Variants in TRIM44 observed in about 807,000 individuals in gnomAD.
The protein encoded by TRIM44 is tripartite motif-containing protein 44.
Under a neutral mutation model 37.4 loss-of-function variants are expected in TRIM44, and 13 were observed. That is an observed-to-expected ratio of 0.35 (90% CI 0.23 to 0.55). The LOEUF is 0.55. TRIM44 is among the 20% of genes least tolerant of loss of function. TRIM44 has a pLI of 0.89. For synonymous variants in TRIM44, 175 were observed against 157.2 expected (o/e 1.11, Z -0.85); for missense variants, 426 against 437.2 (o/e 0.97, Z 0.23).
At position 35,711,108 on chromosome 11, in the gene TRIM44, A is replaced by G. The variant is rs1851965170; in HGVS notation, c.748-14816A>G. On this transcript the variant is annotated intron_variant, in intron 2 of 4. Transcript: ENST00000299413. ...TTGGGGGTGATGAAAATGTTTTAAA[A>G]CCAATGGTAATGATAGTTGCACAAC... Among the ~76,000 whole-genome samples the G allele has an allele frequency of 2.6e-5, 4 of 152,092 alleles. No individual in the cohort carries two copies. In the South Asian group the frequency reaches 8.3e-4, roughly 32 times the overall value.
rs1279409074 is a variant in TRIM44, at chr11:35,816,162, C to T, written c.*9777C>T. 2 of 152,082 alleles carry T rather than the reference C, an allele frequency of 1.3e-5. No individual in the cohort carries two copies. Among genetic ancestry groups the T allele is most frequent in the Non-Finnish European group, 2.9e-5 (2 of 68,026 alleles). The allele number at this position is 152,082 out of a possible 1,614,324, so 9.4% of individuals were successfully genotyped here. A position where few individuals can be genotyped will look rare whatever the true frequency, so the allele number is the denominator to read the frequency against. On this transcript the variant is annotated 3_prime_UTR_variant, in exon 5 of 5. Transcript: ENST00000299413. ...GCCTTTCCATCTGGAAACCATGAGCCTCATGGATTCCAGGCACAAATTCTC... is the reference window on the plus strand; with the variant it reads ...GCCTTTCCATCTGGAAACCATGAGCTTCATGGATTCCAGGCACAAATTCTC...
chr11:35,764,239 C>T (rs977869409), intron 4 of TRIM44, among the ~76,000 whole-genome samples: 4 of 152,292 alleles, frequency 2.6e-5, no homozygotes, highest in East Asian at 1.9e-4. Context: ...ACAACATGGT[C>T]TTATCCTTTT....
chr11:35,716,667 G>A (rs966386020), intron 2 of TRIM44, among the ~76,000 whole-genome samples: 2 of 152,124 alleles, frequency 1.3e-5, no homozygotes, highest in African/African-American at 4.8e-5. Flanking sequence ...ATCTGGTGGA[G>A]AAAATAAAAC....
intron 3 of TRIM44, among the ~76,000 whole-genome samples, chr11:35,727,669 A>T (rs547494718): frequency 2.6e-5 from 4 of 152,298 alleles, no homozygotes; most frequent in Admixed American, 2.6e-4. Context: ...ACTCCATTTT[A>T]CAAATGGGAT....
At chr11:35,694,797 T>C (rs1851676433) in intron 2 of TRIM44, among the ~76,000 whole-genome samples, 1 of 152,126 alleles carries the variant, frequency 6.6e-6, no homozygotes, top group South Asian at 2.1e-4. Flanking sequence ...AAAGTTTTGC[T>C]GCAATGTGGA....
intron 2 of TRIM44, among the ~76,000 whole-genome samples, chr11:35,695,218 A>G (rs953066448): frequency 1.3e-5 from 2 of 152,122 alleles, no homozygotes; most frequent in African/African-American, 4.8e-5. Flanking sequence ...GGACTCAGGA[A>G]GGACAAGGTG....
At chr11:35,720,430 C>CT (rs151193094) in intron 2 of TRIM44, among the ~76,000 whole-genome samples, 2,568 of 144,684 alleles carry the variant, frequency 0.018, 114 homozygotes, top group East Asian at 0.14. Flanking sequence ...TTTTTTTTTC[C>CT]TTTTTTTTTG....
Position 35,811,356 on chromosome 11 carries a change from G to A in TRIM44, c.*4971G>A, listed in dbSNP as rs1469489100. 1.3e-5 allele frequency: 2 copies of A among 152,062 alleles called. No homozygotes were observed. Among genetic ancestry groups the A allele is most frequent in the Non-Finnish European group, 2.9e-5 (2 of 68,012 alleles). 9.4% of individuals were successfully genotyped at this position (152,062 alleles called of 1,614,324 possible). On this transcript the variant is annotated 3_prime_UTR_variant, in exon 5 of 5. Coordinates refer to ENST00000299413, the MANE Select transcript of TRIM44 (RefSeq NM_017583.6). ...TAAAGAATACTTGGTGCCAAATTAT[G>A]TTTTCAAATAACATTAAAGTTTTAG...
intron 2 of TRIM44, among the ~76,000 whole-genome samples, chr11:35,696,424 GAGCCGCCGCAAGC>G (rs1444135525): frequency 4.4e-4 from 66 of 151,468 alleles, no homozygotes; most frequent in African/African-American, 1.6e-3. Flanking sequence ...ATACAGGCGT[GAGCCGCCGCAAGC>G]AGCCGTCAAA....
chr11:35,776,411 C>T (rs1381462432), intron 4 of TRIM44, among the ~76,000 whole-genome samples: 2 of 152,116 alleles, frequency 1.3e-5, no homozygotes, highest in Non-Finnish European at 2.9e-5. Flanking sequence ...AAAACCAGCT[C>T]CTGGATTCAT....
intron 2 of TRIM44, among the ~76,000 whole-genome samples, chr11:35,707,739 T>C (rs1851909179): frequency 6.8e-6 from 1 of 146,258 alleles, no homozygotes; most frequent in Non-Finnish European, 1.5e-5. Flanking sequence ...GATCCCTTCC[T>C]TACACCTTAT....
At chr11:35,694,996 G>A (rs1179678546) in intron 2 of TRIM44, among the ~76,000 whole-genome samples, 1 of 152,080 alleles carries the variant, frequency 6.6e-6, no homozygotes, top group Non-Finnish European at 1.5e-5. Flanking sequence ...CAGAAAACAT[G>A]CATTGAAAAT....
chr11:35,769,145 G>A (rs1852834176), intron 4 of TRIM44, among the ~76,000 whole-genome samples: 1 of 152,112 alleles, frequency 6.6e-6, no homozygotes, highest in African/African-American at 2.4e-5. Flanking sequence ...GTTCATTGAT[G>A]TATATTACCT....
rs1274566466 is a variant in TRIM44, at chr11:35,726,183, T to A, written c.987+20T>A. 6.2e-7 allele frequency: 1 copy of A among 1,609,674 alleles called. No homozygotes were observed. The highest frequency in any genetic ancestry group is 1.7e-5 in the Admixed American group (1 of 59,718). ...GCAGAGGTAAAGGAAAAGCCCATAA[T>A]TATTAGTAGCAAGAGAAATAGGAGG... On this transcript the variant is annotated intron_variant, in intron 3 of 4. Coordinates refer to ENST00000299413, the MANE Select transcript of TRIM44 (RefSeq NM_017583.6).
chr11:35,796,782 TC>T (rs1420577435), intron 4 of TRIM44, among the ~76,000 whole-genome samples: 1 of 152,212 alleles, frequency 6.6e-6, no homozygotes, highest in Non-Finnish European at 1.5e-5. Context: ...GGCATTTTTC[TC>T]TTGAAGTTCA....
At position 35,814,753 on chromosome 11, in the gene TRIM44, GTCTTTTT is replaced by G. The variant is rs1853563327; in HGVS notation, c.*8375_*8381del. On this transcript the variant is annotated 3_prime_UTR_variant, in exon 5 of 5. Transcript: ENST00000299413. Reference sequence around the variant, plus strand: ...TCACTTGCTATAACATTCTCTGTCCGTCTTTTTTCTTTTATGTAAATACTTTTGTGAC... The same window carrying G: ...TCACTTGCTATAACATTCTCTGTCCGTCTTTTATGTAAATACTTTTGTGAC... 1 of 152,036 alleles carries G rather than the reference GTCTTTTT, an allele frequency of 6.6e-6. No individual in the cohort carries two copies. Among genetic ancestry groups the G allele is most frequent in the African/African-American group, 2.4e-5 (1 of 41,382 alleles). The allele number at this position is 152,036 out of a possible 1,614,324, so 9.4% of individuals were successfully genotyped here. A position where few individuals can be genotyped will look rare whatever the true frequency, so the allele number is the denominator to read the frequency against.
chr11:35,802,913 G>A (rs969277313), intron 4 of TRIM44, among the ~76,000 whole-genome samples: 1 of 152,148 alleles, frequency 6.6e-6, no homozygotes, highest in Non-Finnish European at 1.5e-5. Context: ...CACTTGTTCT[G>A]GAATGTAATG....
chr11:35,758,566 C>T (rs1287528825), intron 4 of TRIM44, among the ~76,000 whole-genome samples: 3 of 152,216 alleles, frequency 2.0e-5, no homozygotes, highest in East Asian at 1.9e-4. Context: ...TTATTTTGCT[C>T]GTTAGTTGAT....
chr11:35,732,334 A>T (rs571772624), intron 3 of TRIM44, among the ~76,000 whole-genome samples: 1 of 152,316 alleles, frequency 6.6e-6, no homozygotes, highest in African/African-American at 2.4e-5. Flanking sequence ...ATTTGTGATA[A>T]TTAGGGATTT....
Sources: allele counts gnomAD v4.1 joint callset (sites outside exome capture counted in the v4.1 genomes callset), GRCh38; gene constraint gnomAD v4.1.1; transcripts MANE v1.5; gene names NCBI Gene and HGNC (gene_info 2026-07-23, HGNC 2026-07-21).